Variants in PLEKHO2 observed in about 807,000 individuals in gnomAD.
The protein encoded by PLEKHO2 is pleckstrin homology domain containing O2, also known as pleckstrin homology domain-containing family O member 2.
In PLEKHO2, 20 loss-of-function variants were observed where a neutral mutation model predicts 32.7. The observed-to-expected ratio is 0.61, with a 90% CI of 0.43 to 0.89. PLEKHO2 has a LOEUF of 0.89. Among genes scored for constraint, PLEKHO2 ranks in the 40% least tolerant of loss-of-function variants. PLEKHO2 has a pLI of 0.00. For missense variants in PLEKHO2, 568 were observed against 621.2 expected (o/e 0.91, Z 0.91); for synonymous variants, 247 against 246.3 (o/e 1.00, Z -0.03).
intron 3 of PLEKHO2, among the ~76,000 whole-genome samples, chr15:64,855,255 G>C (rs1595830227): frequency 6.6e-6 from 1 of 152,248 alleles, no homozygotes; most frequent in African/African-American, 2.4e-5. Context: ...TTAGGGCTCT[G>C]TTGAGAGACC....
chr15:64,856,591 A>G (rs1313506757), intron 3 of PLEKHO2, among the ~76,000 whole-genome samples: 1 of 152,102 alleles, frequency 6.6e-6, no homozygotes, highest in Non-Finnish European at 1.5e-5. Context: ...GCTTCAGCCA[A>G]CACCCTCCCT....
Position 64,865,539 on chromosome 15 carries a change from T to A in PLEKHO2, c.1124T>A (p.Leu375Gln). ...AAGGATGCAACAACATCCACAGCAC[T>A]GCCCCCCTGGGACCTGCCACCTCAG... ...PPKDATTSTALPPWDLPPQFH... is the reference protein window; with the variant it reads ...PPKDATTSTAQPPWDLPPQFH... Residue 375 changes from leucine (L) to glutamine (Q), a missense_variant, in exon 6 of 6, where the codon CTG becomes CAG. By Grantham distance (113) the Leu-to-Gln change is moderately radical. Transcript: ENST00000323544. The A allele has an allele frequency of 6.2e-7, 1 of 1,614,118 alleles. No homozygotes were observed. Among genetic ancestry groups the A allele is most frequent in the South Asian group, 1.1e-5 (1 of 91,088 alleles).
At chr15:64,844,917 C>T (rs948451312) in intron 1 of PLEKHO2, among the ~76,000 whole-genome samples, 4 of 152,210 alleles carry the variant, frequency 2.6e-5, no homozygotes, top group African/African-American at 9.6e-5. Context: ...ACCCGCTCCC[C>T]ACCAGACAGG....
intron 2 of PLEKHO2, among the ~76,000 whole-genome samples, chr15:64,852,173 G>A (rs2084574522): frequency 6.6e-6 from 1 of 152,122 alleles, no homozygotes; most frequent in Admixed American, 6.6e-5. Flanking sequence ...CAGGTGTTTT[G>A]TAGATGTTTG....
In PLEKHO2 at chr15:64,866,061, T is replaced by TCTGGCACCA; in HGVS notation, c.*178_*179insACCACTGGC. 1 of 891,172 alleles carries TCTGGCACCA rather than the reference T, an allele frequency of 1.1e-6. No homozygotes were observed. The highest frequency in any genetic ancestry group is 1.7e-6 in the Non-Finnish European group (1 of 602,930). The allele number at this position is 891,172 out of a possible 1,614,324, so 55.2% of individuals were successfully genotyped here. A position where few individuals can be genotyped will look rare whatever the true frequency, so the allele number is the denominator to read the frequency against. On this transcript the variant is annotated 3_prime_UTR_variant, in exon 6 of 6. Coordinates refer to ENST00000323544, the MANE Select transcript of PLEKHO2 (RefSeq NM_025201.5). ...ACTCCTGGCGTCCTTCCTACTCTGCTCTGGCCAGTGGTGCCAGGTGCCACC... is the reference window on the plus strand; with the variant it reads ...ACTCCTGGCGTCCTTCCTACTCTGCTCTGGCACCACTGGCCAGTGGTGCCAGGTGCCACC...
intron 2 of PLEKHO2, among the ~76,000 whole-genome samples, chr15:64,853,774 A>C (rs553597676): frequency 1.3e-5 from 2 of 152,064 alleles, no homozygotes; most frequent in Non-Finnish European, 2.9e-5. Context: ...CCTGCCCCTT[A>C]TATTTGGGTC....
intron 2 of PLEKHO2, among the ~76,000 whole-genome samples, chr15:64,851,072 G>A (rs1269475259): frequency 3.3e-5 from 5 of 152,192 alleles, no homozygotes; most frequent in East Asian, 1.9e-4. Flanking sequence ...GAGCTGCCTC[G>A]GAGAAACACC....
chr15:64,851,682 C>T (rs1478515780), intron 2 of PLEKHO2, among the ~76,000 whole-genome samples: 2 of 152,112 alleles, frequency 1.3e-5, no homozygotes, highest in Non-Finnish European at 2.9e-5. Context: ...CTGGTTTATC[C>T]GTTTTTCTGA....
At chr15:64,842,179 G>T in intron 1 of PLEKHO2, 151 bp downstream of exon 1, 1 of 732,030 alleles carries the variant, frequency 1.4e-6, no homozygotes, top group Non-Finnish European at 1.9e-6. Context: ...GGGGCGAGGG[G>T]CTGGATCCAT....
intron 1 of PLEKHO2, among the ~76,000 whole-genome samples, chr15:64,845,493 G>T (rs1595826965): frequency 6.6e-6 from 1 of 152,002 alleles, no homozygotes; most frequent in African/African-American, 2.4e-5. Context: ...GAGGGAGGGG[G>T]TCTGAGGGGC....
rs2084697130 is a variant in PLEKHO2, at chr15:64,867,423, CGGG to C, written c.*1536_*1538del. 6.6e-6 allele frequency: 1 copy of C among 152,328 alleles called. No individual in the cohort carries two copies. The highest frequency in any genetic ancestry group is 2.4e-5 in the African/African-American group (1 of 41,450). 9.4% of individuals were successfully genotyped at this position (152,328 alleles called of 1,614,324 possible). A position where few individuals can be genotyped will look rare whatever the true frequency, so the allele number is the denominator to read the frequency against. ...AGAGGTGAGCAGCAATGCACTGGTT[CGGG>C]AGCCCCCATCAGCCTCCTTGTGCAA... On this transcript the variant is annotated 3_prime_UTR_variant, in exon 6 of 6. Transcript: ENST00000323544.
At chr15:64,843,735 C>T (rs368240365) in intron 1 of PLEKHO2, among the ~76,000 whole-genome samples, 3 of 152,032 alleles carry the variant, frequency 2.0e-5, no homozygotes, top group African/African-American at 7.2e-5. Flanking sequence ...CATGCACCAC[C>T]ACGCCTGGCT....
intron 2 of PLEKHO2, among the ~76,000 whole-genome samples, chr15:64,850,795 AGACTT>A (rs948563541): frequency 2.0e-4 from 31 of 152,252 alleles, no homozygotes; most frequent in African/African-American, 7.5e-4. Context: ...ATGTAGGTGA[AGACTT>A]GAGGAAGAAA....
chr15:64,842,103 G>A, intron 1 of PLEKHO2, 75 bp downstream of exon 1: 2 of 1,197,496 alleles, frequency 1.7e-6, no homozygotes, highest in South Asian at 8.4e-5. Flanking sequence ...CTGGGCTCAG[G>A]CCCTCGTTCC....
At chr15:64,842,225 T>A (rs938737722) in intron 1 of PLEKHO2, among the ~76,000 whole-genome samples, 197 bp downstream of exon 1, 2 of 152,260 alleles carry the variant, frequency 1.3e-5, no homozygotes, top group Non-Finnish European at 1.5e-5. Context: ...TCCTTCATTC[T>A]CGCTGACTTT....
At chr15:64,847,608 G>T (rs1289420900) in intron 1 of PLEKHO2, among the ~76,000 whole-genome samples, 1 of 152,162 alleles carries the variant, frequency 6.6e-6, no homozygotes, top group Non-Finnish European at 1.5e-5. Context: ...TTATTTGGTA[G>T]GCATGTATCT....
chr15:64,864,550 G>A (rs1227186033), intron 5 of PLEKHO2, among the ~76,000 whole-genome samples: 1 of 152,164 alleles, frequency 6.6e-6, no homozygotes, highest in African/African-American at 2.4e-5. Flanking sequence ...GTAGGGGTTA[G>A]ATGCAGGGCT....
In PLEKHO2 at chr15:64,867,116, C is replaced by T. The variant is rs963853319; in HGVS notation, c.*1228C>T. On this transcript the variant is annotated 3_prime_UTR_variant, in exon 6 of 6. Coordinates refer to ENST00000323544, the MANE Select transcript of PLEKHO2 (RefSeq NM_025201.5). ...GAGCCTGTAGGTGCAGAGGCCCTGG[C>T]TCCCGAGGTCCAGCCACTCTCCCTG... 2 of 152,666 alleles carry T rather than the reference C, an allele frequency of 1.3e-5. No homozygotes were observed. The highest frequency in any genetic ancestry group is 1.9e-4 in the East Asian group (1 of 5,154). 9.5% of individuals were successfully genotyped at this position (152,666 alleles called of 1,614,324 possible).
chr15:64,856,857 A>G (rs2084609502), intron 3 of PLEKHO2, among the ~76,000 whole-genome samples: 1 of 152,122 alleles, frequency 6.6e-6, no homozygotes, highest in African/African-American at 2.4e-5. Flanking sequence ...CTCCTTTCTC[A>G]GCAGCCTGGG....
Sources: gnomAD v4.1 joint callset for allele counts (sites outside exome capture counted in the v4.1 genomes callset) on GRCh38, gnomAD v4.1.1 for gene constraint, MANE v1.5 for transcripts, NCBI Gene and HGNC (gene_info 2026-07-23, HGNC 2026-07-21) for gene names.